LYPLA1: variants seen among roughly 807,000 people sequenced by gnomAD.
LYPLA1 encodes lysophospholipase 1.
Under a neutral mutation model 34.0 loss-of-function variants are expected in LYPLA1, and 17 were observed. That is an observed-to-expected ratio of 0.50 (90% confidence interval 0.34 to 0.75). LYPLA1 has a LOEUF of 0.75. Among genes scored for constraint, LYPLA1 ranks in the 30% least tolerant of loss-of-function variants. The pLI, the probability that LYPLA1 is intolerant of heterozygous loss-of-function variation, is 0.01. For missense variants in LYPLA1, 203 were observed against 288.8 expected, an observed-to-expected ratio of 0.70 and a Z score of 2.15; for synonymous variants, 98 against 100.8, an observed-to-expected ratio of 0.97 and a Z score of 0.17.
intron 2 of LYPLA1, among the ~76,000 whole-genome samples, chr8:54,089,752 T>C (rs959028783): frequency 6.6e-6 from 1 of 151,958 alleles, no homozygotes; most frequent in Non-Finnish European, 1.5e-5. Flanking sequence ...GCCTCCTAAG[T>C]AGCTGGGATT....
intron 3 of LYPLA1, among the ~76,000 whole-genome samples, chr8:54,065,415 G>A (rs1263573714): frequency 4.0e-5 from 6 of 151,554 alleles, no homozygotes; most frequent in Admixed American, 1.3e-4. Context: ...CCGAGATCAC[G>A]CCACTGCACT....
chr8:54,093,269 C>CTCG (rs1809445465), intron 2 of LYPLA1, among the ~76,000 whole-genome samples: 1 of 152,160 alleles, frequency 6.6e-6, no homozygotes, highest in Non-Finnish European at 1.5e-5. Context: ...CACCTGAAAC[C>CTCG]TCGGAATGTG....
In LYPLA1 at chr8:54,101,864, G is replaced by A. The variant is rs773545847; in HGVS notation, c.-41C>T. 4.2e-6 allele frequency: 5 copies of A among 1,181,368 alleles called. No homozygotes were observed. The highest frequency in any genetic ancestry group is 4.4e-5 in the Admixed American group (1 of 22,722). 73.2% of individuals were successfully genotyped at this position (1,181,368 alleles called of 1,614,324 possible). A position where few individuals can be genotyped will look rare whatever the true frequency, so the allele number is the denominator to read the frequency against. ...ACAGCGCAAGCGGAAGGAAGAGCGG[G>A]CGCCCGGCCGCGGCCCAAGGGCGTG... On this transcript the variant is annotated 5_prime_UTR_variant, in exon 1 of 9. Transcript: ENST00000316963.
In LYPLA1 at chr8:54,101,562, C is replaced by T. The variant is rs987515640; in HGVS notation, c.69+193G>A. On this transcript the variant is annotated intron_variant, in intron 1 of 8. Transcript: ENST00000316963. ...GGGAGGAGCTGGGGACTGGCCCTCG[C>T]GCCGGCTGTGACCCCCCGGCTGCCC... The T allele has an allele frequency of 7.0e-5, 80 of 1,149,294 alleles. No homozygotes were observed. In the East Asian group the frequency reaches 2.8e-3, roughly 41 times the overall value. The allele number at this position is 1,149,294 out of a possible 1,614,324, so 71.2% of individuals were successfully genotyped here.
intron 2 of LYPLA1, among the ~76,000 whole-genome samples, chr8:54,078,414 C>A (rs893531615): frequency 2.6e-5 from 4 of 152,212 alleles, no homozygotes; most frequent in Admixed American, 2.0e-4. Flanking sequence ...CTGATAAATT[C>A]TCTACCCACC....
At chr8:54,071,487 G>A (rs1371762977) in intron 2 of LYPLA1, among the ~76,000 whole-genome samples, 2 of 152,050 alleles carry the variant, frequency 1.3e-5, no homozygotes, top group Non-Finnish European at 2.9e-5. Context: ...ATATATACAG[G>A]GTGGGGGCGT....
intron 2 of LYPLA1, among the ~76,000 whole-genome samples, chr8:54,095,537 T>C (rs1020181129): frequency 6.6e-6 from 1 of 152,148 alleles, no homozygotes; most frequent in Non-Finnish European, 1.5e-5. Flanking sequence ...ATGTTATATT[T>C]ATTATTTTAA....
Position 54,070,463 on chromosome 8 carries a change from C to T in LYPLA1, c.102-4650G>A, listed in dbSNP as rs141317941. Among the ~76,000 whole-genome samples, 17 of 152,306 alleles carry T rather than the reference C, an allele frequency of 1.1e-4. No homozygotes were observed. In the East Asian group the frequency reaches 1.3e-3, roughly 12 times the overall value. On this transcript the variant is annotated intron_variant, in intron 2 of 8. Coordinates refer to ENST00000316963, the MANE Select transcript of LYPLA1 (RefSeq NM_006330.4). ...ATGAGGCCAGGCGTGGTGGCTCATA[C>T]GGTAATCCCAGCACTTTGGGGAGGC...
Position 54,065,810 on chromosome 8 carries a change from G to A in LYPLA1, c.105C>T (p.His35=), listed in dbSNP as rs200672484. 48 of 1,612,724 alleles carry A rather than the reference G, an allele frequency of 3.0e-5. No individual in the cohort carries two copies. Among genetic ancestry groups the A allele is most frequent in the African/African-American group, 2.9e-4 (22 of 75,004 alleles). The change falls in exon 3 of 9, where the codon CAC becomes CAT. Residue 35 remains histidine, a synonymous_variant. Transcript: ENST00000316963. ...IFLHGLGDTG[H]GWAEAFAGIR... ...TACCTGCAAAGGCTTCTGCCCATCCGTGCCTGGTGGAAAAATCATTGAATA... is the reference window on the plus strand; with the variant it reads ...TACCTGCAAAGGCTTCTGCCCATCCATGCCTGGTGGAAAAATCATTGAATA...
At chr8:54,090,705 C>T (rs1005516275) in intron 2 of LYPLA1, among the ~76,000 whole-genome samples, 2 of 152,154 alleles carry the variant, frequency 1.3e-5, no homozygotes, top group South Asian at 2.1e-4. Flanking sequence ...TATTTCTCAA[C>T]CTGCCGATCC....
At chr8:54,082,301 A>T (rs1349883814) in intron 2 of LYPLA1, among the ~76,000 whole-genome samples, 1 of 152,250 alleles carries the variant, frequency 6.6e-6, no homozygotes, top group East Asian at 1.9e-4. Context: ...GCACACGCAC[A>T]TACATACGCA....
chr8:54,072,875 G>T (rs1000059847), intron 2 of LYPLA1, among the ~76,000 whole-genome samples: 1 of 150,422 alleles, frequency 6.6e-6, no homozygotes, highest in African/African-American at 2.5e-5. Flanking sequence ...AGCTACTCAG[G>T]AGGCTGAGGC....
chr8:54,080,530 G>A (rs1283724537), intron 2 of LYPLA1, among the ~76,000 whole-genome samples: 1 of 152,126 alleles, frequency 6.6e-6, no homozygotes, highest in Admixed American at 6.6e-5. Flanking sequence ...AGTATATTGA[G>A]AAATATGTAA....
intron 2 of LYPLA1, among the ~76,000 whole-genome samples, chr8:54,077,504 T>C (rs1807994459): frequency 6.6e-6 from 1 of 151,968 alleles, no homozygotes; most frequent in Non-Finnish European, 1.5e-5. Context: ...AAGTAAAAAA[T>C]AAAAAAGTAG....
At chr8:54,067,877 C>T (rs991470394) in intron 2 of LYPLA1, among the ~76,000 whole-genome samples, 3 of 151,568 alleles carry the variant, frequency 2.0e-5, no homozygotes, top group African/African-American at 7.3e-5. Flanking sequence ...TTAGTAGAGA[C>T]GGGGTTTTAC....
intron 3 of LYPLA1, among the ~76,000 whole-genome samples, chr8:54,065,164 T>C (rs1806958056): frequency 6.6e-6 from 1 of 152,164 alleles, no homozygotes; most frequent in African/African-American, 2.4e-5. Flanking sequence ...AGAGATACCC[T>C]AGGGATATCC....
chr8:54,051,340 C>A, intron 7 of LYPLA1, 152 bp from the exon 8 acceptor site: 1 of 585,602 alleles, frequency 1.7e-6, no homozygotes, highest in South Asian at 3.4e-5. Context: ...CATATACTCA[C>A]CACATCCCTT....
At chr8:54,045,237 G>T (rs1293459919), downstream of LYPLA1, among the ~76,000 whole-genome samples, 5 of 152,082 alleles carry the variant, frequency 3.3e-5, no homozygotes, top group African/African-American at 1.2e-4. Flanking sequence ...CATTTTTTAG[G>T]AATTTCTACA....
intron 2 of LYPLA1, among the ~76,000 whole-genome samples, chr8:54,099,159 C>A (rs968877353): frequency 6.6e-6 from 1 of 151,538 alleles, no homozygotes; most frequent in Non-Finnish European, 1.5e-5. Flanking sequence ...ATCATTCAGG[C>A]ATAGAAGTGC....
Sources: allele counts gnomAD v4.1 joint callset (sites outside exome capture counted in the v4.1 genomes callset), GRCh38; gene constraint gnomAD v4.1.1; transcripts MANE v1.5; gene names NCBI Gene and HGNC (gene_info 2026-07-23, HGNC 2026-07-21).